Variants in RIT2 observed in about 807,000 individuals in gnomAD.
RIT2 encodes the protein Ras like without CAAX 2.
In RIT2, 24 loss-of-function variants were observed where a neutral mutation model predicts 23.7. The ratio of observed to expected loss-of-function variants is 1.01; its 90% confidence interval spans 0.73 to 1.43. The LOEUF (loss-of-function observed/expected upper bound fraction) is 1.43. RIT2 is among the 40% of genes most tolerant of loss of function. RIT2 has a pLI of 0.00. For missense variants in RIT2, 236 were observed against 266.9 expected (o/e 0.88, Z 0.81); for synonymous variants, 107 against 91.1 (o/e 1.17, Z -0.99).
At chr18:42,973,072 A>T (rs1910398374) in intron 3 of RIT2, among the ~76,000 whole-genome samples, 1 of 151,832 alleles carries the variant, frequency 6.6e-6, no homozygotes, top group South Asian at 2.1e-4. Context: ...ATATTAATAC[A>T]GGTATACTTA....
At chr18:43,039,217 C>T (rs140598274) in intron 1 of RIT2, among the ~76,000 whole-genome samples, 1 of 152,220 alleles carries the variant, frequency 6.6e-6, no homozygotes, top group African/African-American at 2.4e-5. Context: ...GATGATTTTA[C>T]CAATATTTCA....
chr18:42,806,982 G>A (rs527779032), intron 4 of RIT2, among the ~76,000 whole-genome samples: 4 of 152,268 alleles, frequency 2.6e-5, no homozygotes, highest in African/African-American at 9.6e-5. Context: ...TAACTTTAAA[G>A]AATTACTGCT....
At chr18:43,001,018 G>T (rs1297863046) in intron 2 of RIT2, among the ~76,000 whole-genome samples, 1 of 151,982 alleles carries the variant, frequency 6.6e-6, no homozygotes, top group Non-Finnish European at 1.5e-5. Flanking sequence ...CTACTGATCA[G>T]GCTATTTCTA....
intron 1 of RIT2, among the ~76,000 whole-genome samples, chr18:43,105,667 T>C (rs1433259511): frequency 6.6e-6 from 1 of 152,212 alleles, no homozygotes; most frequent in African/African-American, 2.4e-5. Context: ...AGAGCTTAAG[T>C]GACCTGTGCA....
chr18:42,991,458 T>C (rs557467679), intron 2 of RIT2, among the ~76,000 whole-genome samples: 1 of 152,268 alleles, frequency 6.6e-6, no homozygotes, highest in Non-Finnish European at 1.5e-5. Flanking sequence ...ATGTAAGCAA[T>C]ATATACCAAA....
intron 3 of RIT2, among the ~76,000 whole-genome samples, chr18:42,960,106 G>A (rs1305948680): frequency 6.6e-6 from 1 of 152,164 alleles, no homozygotes; most frequent in African/African-American, 2.4e-5. Flanking sequence ...TTCTGTGGTA[G>A]ATTCCCAAGG....
intron 4 of RIT2, among the ~76,000 whole-genome samples, chr18:42,830,965 T>C (rs549099088): frequency 2.0e-3 from 302 of 152,324 alleles, no homozygotes; most frequent in African/African-American, 6.8e-3. Flanking sequence ...TCTAATTTAC[T>C]CTTCTAAATA....
At chr18:42,844,167 A>G (rs887077767) in intron 4 of RIT2, among the ~76,000 whole-genome samples, 2 of 152,138 alleles carry the variant, frequency 1.3e-5, no homozygotes, top group African/African-American at 4.8e-5. Context: ...GCTCTGTGTG[A>G]CAGTGCCCAG....
chr18:42,864,308 CT>C (rs1907411230), intron 4 of RIT2, among the ~76,000 whole-genome samples: 1 of 152,126 alleles, frequency 6.6e-6, no homozygotes, highest in Non-Finnish European at 1.5e-5. Context: ...CATTATGCCC[CT>C]GAATAATTGA....
intron 4 of RIT2, among the ~76,000 whole-genome samples, chr18:42,862,129 C>A (rs986093596): frequency 6.6e-6 from 1 of 152,114 alleles, no homozygotes; most frequent in Non-Finnish European, 1.5e-5. Flanking sequence ...TCTCAAATTG[C>A]AATCCCCATG....
At chr18:42,957,743 C>T (rs1284663235) in intron 3 of RIT2, among the ~76,000 whole-genome samples, 1 of 152,054 alleles carries the variant, frequency 6.6e-6, no homozygotes, top group African/African-American at 2.4e-5. Flanking sequence ...GAAGTTGCAC[C>T]ACTGCACTCC....
At chr18:42,925,858 A>G (rs1248125695) in intron 3 of RIT2, among the ~76,000 whole-genome samples, 1 of 151,698 alleles carries the variant, frequency 6.6e-6, no homozygotes, top group Non-Finnish European at 1.5e-5. Context: ...AGCAGCGCTA[A>G]TATACCTTGG....
chr18:42,845,628 C>T (rs1323392299), intron 4 of RIT2, among the ~76,000 whole-genome samples: 1 of 148,686 alleles, frequency 6.7e-6, no homozygotes, highest in African/African-American at 2.5e-5. Context: ...CCTTACATTC[C>T]AAATAATTTA....
rs76558584 is a variant in RIT2 at position 43,001,248 on chromosome 18, G to C, written c.161-27101C>G. Among the ~76,000 whole-genome samples, 418 of 152,054 alleles carry C rather than the reference G, an allele frequency of 2.7e-3. 3 individuals are homozygous for C. Among genetic ancestry groups the C allele is most frequent in the African/African-American group, 9.2e-3 (382 of 41,510 alleles). On this transcript the variant is annotated intron_variant, in intron 2 of 4. Coordinates refer to ENST00000326695, the MANE Select transcript of RIT2 (RefSeq NM_002930.4). ...AATGGAGGATGTTCAGCCTAGAGAG[G>C]GGAGGGCCACACAGTGAATGTTTAA...
chr18:42,782,839 T>G (rs935114729), intron 4 of RIT2, among the ~76,000 whole-genome samples: 19 of 152,020 alleles, frequency 1.2e-4, no homozygotes, highest in Non-Finnish European at 2.5e-4. Context: ...AGGCAGAATC[T>G]TATATATACT....
chr18:43,009,684 T>C (rs939555466), intron 2 of RIT2, among the ~76,000 whole-genome samples: 1 of 151,694 alleles, frequency 6.6e-6, no homozygotes, highest in Admixed American at 6.6e-5. Flanking sequence ...CTAAATCTTA[T>C]GAAAATTTAT....
At chr18:42,756,216 A>C (rs1913160091) in intron 4 of RIT2, among the ~76,000 whole-genome samples, 1 of 152,174 alleles carries the variant, frequency 6.6e-6, no homozygotes, top group Non-Finnish European at 1.5e-5. Context: ...TAAAAAGCCT[A>C]TTTCTTGAGC....
At chr18:42,901,892 C>T (rs545282687) in intron 4 of RIT2, among the ~76,000 whole-genome samples, 3 of 151,900 alleles carry the variant, frequency 2.0e-5, no homozygotes, top group South Asian at 2.1e-4. Flanking sequence ...ATAAAATATC[C>T]TCCCTTTTCT....
At chr18:43,079,550 G>T (rs1205151086) in intron 1 of RIT2, among the ~76,000 whole-genome samples, 1 of 152,146 alleles carries the variant, frequency 6.6e-6, no homozygotes, top group Non-Finnish European at 1.5e-5. Context: ...GTTAAGTAGG[G>T]CTCTGATGAC....
Sources: gnomAD v4.1 joint callset for allele counts (sites outside exome capture counted in the v4.1 genomes callset) on GRCh38, gnomAD v4.1.1 for gene constraint, MANE v1.5 for transcripts, NCBI Gene and HGNC (gene_info 2026-07-23, HGNC 2026-07-21) for gene names.